Variants in ARRDC1 observed in about 807,000 individuals in gnomAD.
ARRDC1 encodes arrestin domain containing 1.
Under a neutral mutation model 40.1 loss-of-function variants are expected in ARRDC1, and 37 were observed. The observed-to-expected ratio is 0.92, with a 90% CI of 0.71 to 1.21. The LOEUF is 1.21. Among genes scored for constraint, ARRDC1 ranks in the 50% most tolerant of loss-of-function variants. ARRDC1 has a pLI of 0.00. For missense variants in ARRDC1, 641 were observed against 581.9 expected (o/e 1.10, Z -1.04); for synonymous variants, 310 against 262.5 (o/e 1.18, Z -1.75).
At chr9:137,613,913 C>T in intron 4 of ARRDC1, 119 bp from the exon 5 acceptor site, 3 of 1,536,648 alleles carry the variant, frequency 2.0e-6, no homozygotes, top group South Asian at 2.4e-5. Context: ...GCCTCTTTGC[C>T]CTGAGCTGAC....
At chr9:137,606,469 AACCACCTG>A (rs1842425630) in intron 1 of ARRDC1, among the ~76,000 whole-genome samples, 1 of 152,178 alleles carries the variant, frequency 6.6e-6, no homozygotes, top group Non-Finnish European at 1.5e-5. Flanking sequence ...CTCCTGTGGG[AACCACCTG>A]GGCTGCTTGG....
intron 1 of ARRDC1, among the ~76,000 whole-genome samples, chr9:137,609,892 C>T (rs538012046): frequency 1.1e-4 from 17 of 152,120 alleles, no homozygotes; most frequent in South Asian, 1.0e-3. Context: ...GCTTTCCCTG[C>T]AAGCTCCACC....
chr9:137,613,414 CCACCTCAGGG>C (rs763592680), intron 2 of ARRDC1, 36 bp from the exon 3 acceptor site: 11 of 1,590,202 alleles, frequency 6.9e-6, no homozygotes, highest in Non-Finnish European at 9.4e-6. Flanking sequence ...CCACCTCAGG[CCACCTCAGGG>C]GGGGACTGCC....
At chr9:137,612,634 G>A (rs570295840) in intron 1 of ARRDC1, 19 of 419,372 alleles carry the variant, frequency 4.5e-5, no homozygotes, top group Admixed American at 8.5e-5. Flanking sequence ...CTGGATGAGC[G>A]TTGGGGTCTT....
chr9:137,614,634 G>A lies in ARRDC1; in HGVS notation c.871G>A (p.Val291Met). 1.9e-6 allele frequency: 3 copies of A among 1,612,830 alleles called. No homozygotes were observed. The highest frequency in any genetic ancestry group is 2.5e-6 in the Non-Finnish European group (3 of 1,179,848). ...IGNIAVNHAP[V>M]SPRPGLGLPP... ...CAATATTGCTGTGAACCATGCCCCA[G>A]TGAGCCCCCGGCCAGGCCTGGGGCT... is the stretch of plus-strand genomic sequence containing the variant. The change falls in exon 7 of 8, where the codon GTG becomes ATG. Residue 291 changes from valine (V) to methionine (M), a missense_variant. By Grantham distance (21) the Val-to-Met change is conservative. Coordinates refer to ENST00000371421, the MANE Select transcript of ARRDC1 (RefSeq NM_152285.4).
At chr9:137,607,606 C>G (rs1374100570) in intron 1 of ARRDC1, among the ~76,000 whole-genome samples, 1 of 152,202 alleles carries the variant, frequency 6.6e-6, no homozygotes, top group Non-Finnish European at 1.5e-5. Flanking sequence ...ATGGTGGGCC[C>G]GATGCAATTC....
rs1256754319 is a variant in ARRDC1 at position 137,613,515 on chromosome 9, G to C, written c.280+5G>C. The C allele has an allele frequency of 2.5e-6, 4 of 1,613,866 alleles. No homozygotes were observed. The highest frequency in any genetic ancestry group is 3.4e-6 in the Non-Finnish European group (4 of 1,179,976). On this transcript the variant is annotated splice_donor_5th_base_variant and intron_variant, in intron 3 of 7. Transcript: ENST00000371421. ...CCTTCCAGTTCCTGCTTCCTGGTGA[G>C]AGCCCAGCCTGGACAGGCCTGGTGA...
In ARRDC1 at chr9:137,614,676, C is replaced by A. The variant is rs764223929; in HGVS notation, c.913C>A (p.Pro305Thr). The change falls in exon 7 of 8, where the codon CCC becomes ACC. Residue 305 changes from proline to threonine, a missense_variant. By Grantham distance (38) the Pro-to-Thr change is conservative. Transcript: ENST00000371421. ...CCTGGGGCTGCCTCCTGGGGCCCCA[C>A]CCCTGGTGGTGCCTTCCGCACCACC... Reference protein sequence around the residue: ...PGLGLPPGAPPLVVPSAPPQE... With the variant: ...PGLGLPPGAPTLVVPSAPPQE... The A allele has an allele frequency of 6.8e-6, 11 of 1,612,198 alleles. No homozygotes were observed. Among genetic ancestry groups the A allele is most frequent in the African/African-American group, 6.7e-5 (5 of 74,862 alleles).
At chr9:137,611,206 A>G (rs927959163) in intron 1 of ARRDC1, among the ~76,000 whole-genome samples, 1 of 152,152 alleles carries the variant, frequency 6.6e-6, no homozygotes, top group Non-Finnish European at 1.5e-5. Context: ...GCATGAACAC[A>G]GTATGGGGTC....
Position 137,610,895 on chromosome 9 carries a change from C to T in ARRDC1, c.119-2001C>T, listed in dbSNP as rs145006590. On this transcript the variant is annotated intron_variant, in intron 1 of 7. Coordinates refer to ENST00000371421, the MANE Select transcript of ARRDC1 (RefSeq NM_152285.4). ...TATTTTTAGTAGAGATGGGGTTTCACCATGTCAGCCAGGCTGGTCTTGAAC... is the reference window on the plus strand; with the variant it reads ...TATTTTTAGTAGAGATGGGGTTTCATCATGTCAGCCAGGCTGGTCTTGAAC... Among the ~76,000 whole-genome samples the T allele has an allele frequency of 1.9e-3, 291 of 152,256 alleles. 2 individuals carry two copies. The highest frequency in any genetic ancestry group is 2.3e-3 in the Non-Finnish European group (154 of 68,026).
intron 4 of ARRDC1, 58 bp downstream of exon 4, chr9:137,613,827 G>A (rs1430632828): frequency 1.9e-6 from 3 of 1,598,536 alleles, no homozygotes; most frequent in Non-Finnish European, 2.6e-6. Flanking sequence ...GGCTGGGGAA[G>A]AGCTGGGCAG....
At chr9:137,609,384 G>A (rs910662349) in intron 1 of ARRDC1, among the ~76,000 whole-genome samples, 2 of 152,196 alleles carry the variant, frequency 1.3e-5, no homozygotes. Flanking sequence ...ACAGGCACGC[G>A]CCACCAGGCC....
intron 2 of ARRDC1, 60 bp from the exon 3 acceptor site, chr9:137,613,400 G>A: frequency 1.3e-5 from 20 of 1,577,354 alleles, no homozygotes; most frequent in South Asian, 2.3e-5. Context: ...TCCTGGCCCT[G>A]TGGCCACCTC....
In ARRDC1 at chr9:137,605,791, C is replaced by T; in HGVS notation, c.74C>T (p.Ala25Val). Residue 25 changes from alanine to valine, a missense_variant, in exon 1 of 8, where the codon GCT becomes GTT. By Grantham distance (64) the Ala-to-Val change is moderately conservative (BLOSUM62 0). Coordinates refer to ENST00000371421, the MANE Select transcript of ARRDC1 (RefSeq NM_152285.4). ...GTCTACAGCCCCGGGGAGCCGTTGG[C>T]TGGGACCGTGCGCGTGCGCCTGGGG... ...RVVYSPGEPL[A>V]GTVRVRLGAP... The T allele has an allele frequency of 7.6e-7, 1 of 1,315,052 alleles. No individual in the cohort carries two copies. The highest frequency in any genetic ancestry group is 9.7e-7 in the Non-Finnish European group (1 of 1,032,302). 81.5% of individuals were successfully genotyped at this position (1,315,052 alleles called of 1,614,324 possible).
Position 137,614,444 on chromosome 9 carries a change from G to A in ARRDC1, c.764G>A (p.Cys255Tyr). ...TTGCCCCAGTCGGCCCTGCCGGGCT[G>A]CAGCCTCATCCACATCGACTACTAC... ...PALPQSALPG[C>Y]SLIHIDYYLQ... The change falls in exon 6 of 8, where the codon TGC becomes TAC. Residue 255 changes from cysteine (C) to tyrosine (Y), a missense_variant. By Grantham distance (194) the Cys-to-Tyr change is radical (BLOSUM62 -2). Transcript: ENST00000371421. 3 of 1,613,370 alleles carry A rather than the reference G, an allele frequency of 1.9e-6. No individual in the cohort carries two copies. The highest frequency in any genetic ancestry group is 2.2e-5 in the East Asian group (1 of 44,862).
rs746581119 is a variant in ARRDC1 at position 137,614,023 on chromosome 9, C to T, written c.436-9C>T. ...ACCTGCTAAGCCCCTCCCTGGCCCTCCCCCCAAGCAACCCAACGTGGCCTC... is the reference window on the plus strand; with the variant it reads ...ACCTGCTAAGCCCCTCCCTGGCCCTTCCCCCAAGCAACCCAACGTGGCCTC... On this transcript the variant is annotated splice_polypyrimidine_tract_variant and intron_variant, in intron 4 of 7. Coordinates refer to ENST00000371421, the MANE Select transcript of ARRDC1 (RefSeq NM_152285.4). 1 of 1,613,000 alleles carries T rather than the reference C, an allele frequency of 6.2e-7. No homozygotes were observed. The highest frequency in any genetic ancestry group is 8.5e-7 in the Non-Finnish European group (1 of 1,179,712).
Position 137,614,345 on chromosome 9 carries a change from T to C in ARRDC1, c.665T>C (p.Ile222Thr). The C allele has an allele frequency of 3.7e-6, 6 of 1,612,520 alleles. No homozygotes were observed. The highest frequency in any genetic ancestry group is 1.3e-5 in the African/African-American group (1 of 75,036). Residue 222 changes from isoleucine to threonine, a missense_variant, in exon 6 of 8, where the codon ATT becomes ACT. Transcript: ENST00000371421. Reference sequence around the variant, plus strand: ...CGCTGGATCCACGACGTACGGACCATTGCGGAGGTGGAGGGTGCGGGCGTC... The same window carrying C: ...CGCTGGATCCACGACGTACGGACCACTGCGGAGGTGGAGGGTGCGGGCGTC... The part of the protein sequence containing the change: ...AKRWIHDVRT[I>T]AEVEGAGVKA...
rs938173170 is a variant in ARRDC1 at position 137,605,794 on chromosome 9, G to T, written c.77G>T (p.Gly26Val). The T allele has an allele frequency of 1.5e-6, 2 of 1,308,524 alleles. No individual in the cohort carries two copies. Among genetic ancestry groups the T allele is most frequent in the East Asian group, 3.2e-5 (1 of 31,302 alleles). 81.1% of individuals were successfully genotyped at this position (1,308,524 alleles called of 1,614,324 possible). A position where few individuals can be genotyped will look rare whatever the true frequency, so the allele number is the denominator to read the frequency against. The stretch of plus-strand genomic sequence containing the variant: ...TACAGCCCCGGGGAGCCGTTGGCTG[G>T]GACCGTGCGCGTGCGCCTGGGGGCA... ...VVYSPGEPLA[G>V]TVRVRLGAPL... Residue 26 changes from glycine to valine, a missense_variant, in exon 1 of 8, where the codon GGG (glycine) becomes GTG (valine). Transcript: ENST00000371421.
In ARRDC1 at chr9:137,614,436, G is replaced by A; in HGVS notation, c.756G>A (p.Leu252=). Residue 252 remains leucine (L), a synonymous_variant, in exon 6 of 8, where the codon CTG becomes CTA. Coordinates refer to ENST00000371421, the MANE Select transcript of ARRDC1 (RefSeq NM_152285.4). ...TGCCTGCCTTGCCCCAGTCGGCCCT[G>A]CCGGGCTGCAGCCTCATCCACATCG... is the stretch of plus-strand genomic sequence containing the variant. ...ILVPALPQSA[L]PGCSLIHIDY... 5 of 1,613,346 alleles carry A rather than the reference G, an allele frequency of 3.1e-6. No individual in the cohort carries two copies. The highest frequency in any genetic ancestry group is 4.2e-6 in the Non-Finnish European group (5 of 1,179,944).
Sources: gnomAD v4.1 joint callset for allele counts (sites outside exome capture counted in the v4.1 genomes callset) on GRCh38, gnomAD v4.1.1 for gene constraint, MANE v1.5 for transcripts, NCBI Gene and HGNC (gene_info 2026-07-23, HGNC 2026-07-21) for gene names.